Variants in PDE8A observed in about 807,000 individuals in gnomAD.
The protein encoded by PDE8A is high affinity cAMP-specific and IBMX-insensitive 3',5'-cyclic phosphodiesterase 8A.
A neutral mutation model predicts 105.0 loss-of-function variants in PDE8A; 59 were observed. The observed-to-expected ratio is 0.56, with a 90% CI of 0.46 to 0.70. The LOEUF is 0.70. Ranked by LOEUF, PDE8A falls within the 30% of genes least tolerant of loss-of-function variation. The pLI is 0.00. For missense variants in PDE8A, 1,014 were observed against 1,045.9 expected (o/e 0.97, Z 0.42); for synonymous variants, 355 against 371.9 (o/e 0.95, Z 0.52).
Position 85,123,097 on chromosome 15 carries a change from C to G in PDE8A, c.1989C>G (p.Asp663Glu). The G allele has an allele frequency of 1.2e-6, 2 of 1,614,000 alleles. No homozygotes were observed. The highest frequency in any genetic ancestry group is 2.2e-5 in the East Asian group (1 of 44,874). ...DYRTLRQGII[D>E]MVLATEMTKH... ...GGACACTGCGCCAGGGGATTATCGA[C>G]ATGGTCTTAGCCACAGAAATGACAA... is the stretch of plus-strand genomic sequence containing the variant. Residue 663 changes from aspartate (D) to glutamate (E), a missense_variant, in exon 19 of 22, where the codon GAC (aspartate) becomes GAG (glutamate). By Grantham distance (45) the Asp-to-Glu change is conservative. Transcript: ENST00000394553.
intron 1 of PDE8A, among the ~76,000 whole-genome samples, chr15:85,046,706 A>G (rs1462004465): frequency 1.3e-5 from 2 of 152,174 alleles, no homozygotes; most frequent in Non-Finnish European, 2.9e-5. Context: ...AAAGCAGGCA[A>G]GGGATAGGGA....
chr15:84,998,633 A>G (rs68088674), intron 1 of PDE8A, among the ~76,000 whole-genome samples: 13,223 of 152,228 alleles, frequency 0.087, 1,574 homozygotes, highest in African/African-American at 0.27. Flanking sequence ...GTAGTCAGTA[A>G]CTGTATTTTT....
At position 85,067,044 on chromosome 15, in the gene PDE8A, C is replaced by G. The variant is rs932106122; in HGVS notation, c.274C>G (p.Gln92Glu). 1.2e-6 allele frequency: 2 copies of G among 1,609,082 alleles called. No individual in the cohort carries two copies. ...TTTAGTGTTTACCAAAGAAGATAACCAATGTAATGGATTCTGCAGGGCATG... is the reference window on the plus strand; with the variant it reads ...TTTAGTGTTTACCAAAGAAGATAACGAATGTAATGGATTCTGCAGGGCATG... ...VLLVFTKEDN[Q>E]CNGFCRACEK... Residue 92 changes from glutamine to glutamate, a missense_variant, in exon 3 of 22, where the codon CAA becomes GAA. By Grantham distance (29) the Gln-to-Glu change is conservative (BLOSUM62 2). Coordinates refer to ENST00000394553, the MANE Select transcript of PDE8A (RefSeq NM_002605.3).
At chr15:85,104,895 A>C (rs967155669) in intron 11 of PDE8A, among the ~76,000 whole-genome samples, 12 of 152,118 alleles carry the variant, frequency 7.9e-5, no homozygotes, top group African/African-American at 2.9e-4. Flanking sequence ...AGCAGGATGA[A>C]TTCATTCATT....
intron 3 of PDE8A, among the ~76,000 whole-genome samples, chr15:85,070,904 G>T (rs1382711941): frequency 6.6e-6 from 1 of 152,218 alleles, no homozygotes; most frequent in Non-Finnish European, 1.5e-5. Context: ...TTGTGAGGCT[G>T]CTAGAGGCCA....
At chr15:85,130,910 C>A (rs2082321439) in intron 20 of PDE8A, among the ~76,000 whole-genome samples, 1 of 152,130 alleles carries the variant, frequency 6.6e-6, no homozygotes, top group African/African-American at 2.4e-5. Context: ...TAGGCACGTA[C>A]CACCATGCCT....
At chr15:85,126,143 A>G in intron 19 of PDE8A, 64 bp from the exon 20 acceptor site, 1 of 1,189,832 alleles carries the variant, frequency 8.4e-7, no homozygotes. Context: ...GGGACAGACC[A>G]GTAAGAGAGG....
At chr15:85,080,244 C>A (rs1450836030) in intron 5 of PDE8A, among the ~76,000 whole-genome samples, 4 of 151,978 alleles carry the variant, frequency 2.6e-5, no homozygotes, top group African/African-American at 9.7e-5. Flanking sequence ...TTGGACAACC[C>A]CCACAACATA....
intron 1 of PDE8A, among the ~76,000 whole-genome samples, chr15:85,059,762 C>A (rs1022260372): frequency 6.6e-6 from 1 of 152,196 alleles, no homozygotes; most frequent in Admixed American, 6.5e-5. Context: ...CTGCCAATCT[C>A]TGTCTTTTGA....
chr15:85,096,988 T>C (rs1314356335), intron 8 of PDE8A, among the ~76,000 whole-genome samples: 3 of 152,192 alleles, frequency 2.0e-5, no homozygotes, highest in Non-Finnish European at 4.4e-5. Flanking sequence ...AGAATTGACC[T>C]GGAGTAGGGC....
At chr15:85,085,784 G>A (rs2081543100) in intron 6 of PDE8A, among the ~76,000 whole-genome samples, 1 of 151,388 alleles carries the variant, frequency 6.6e-6, no homozygotes. Flanking sequence ...GAGGTTGGTG[G>A]ATCACCTGAG....
chr15:85,093,403 G>C (rs1417222721), intron 8 of PDE8A, among the ~76,000 whole-genome samples: 2 of 152,220 alleles, frequency 1.3e-5, no homozygotes, highest in Non-Finnish European at 2.9e-5. Flanking sequence ...AGGGCTTGTT[G>C]AGGGGTCAGC....
chr15:85,100,212 T>C lies in PDE8A; in HGVS notation c.1036+14T>C. 1 of 1,603,706 alleles carries C rather than the reference T, an allele frequency of 6.2e-7. No homozygotes were observed. Among genetic ancestry groups the C allele is most frequent in the Non-Finnish European group, 8.5e-7 (1 of 1,171,988 alleles). On this transcript the variant is annotated intron_variant, in intron 11 of 21. Coordinates refer to ENST00000394553, the MANE Select transcript of PDE8A (RefSeq NM_002605.3). ...ACACTCATACAGGTACGGTGCCCCGTATTTATTCTTAGAGTTCATTGAGTT... is the reference window on the plus strand; with the variant it reads ...ACACTCATACAGGTACGGTGCCCCGCATTTATTCTTAGAGTTCATTGAGTT...
chr15:85,097,764 C>T, intron 8 of PDE8A, 184 bp from the exon 9 acceptor site: 2 of 565,554 alleles, frequency 3.5e-6, no homozygotes, highest in Non-Finnish European at 6.3e-6. Flanking sequence ...GTCAGCAACT[C>T]AGAAGGAGGT....
chr15:85,037,340 C>T (rs1021106188), intron 1 of PDE8A, among the ~76,000 whole-genome samples: 2 of 152,200 alleles, frequency 1.3e-5, no homozygotes, highest in East Asian at 1.9e-4. Context: ...GCTGGGATTA[C>T]AGGCGTGAGC....
intron 6 of PDE8A, among the ~76,000 whole-genome samples, chr15:85,084,807 C>T (rs2081524107): frequency 1.3e-5 from 2 of 152,262 alleles, no homozygotes; most frequent in African/African-American, 4.8e-5. Flanking sequence ...AAACCTTTTC[C>T]TCCTGTGTAC....
chr15:85,077,559 G>A (rs138514642), intron 5 of PDE8A, among the ~76,000 whole-genome samples: 41 of 152,264 alleles, frequency 2.7e-4, no homozygotes, highest in Non-Finnish European at 5.0e-4. Flanking sequence ...ATCTTTGCCC[G>A]CAGAGGATCT....
At chr15:85,072,272 A>G (rs923282244) in intron 3 of PDE8A, among the ~76,000 whole-genome samples, 26 of 152,190 alleles carry the variant, frequency 1.7e-4, no homozygotes, top group African/African-American at 5.1e-4. Flanking sequence ...GGGCTGGGCT[A>G]TGTTCTTATA....
intron 2 of PDE8A, among the ~76,000 whole-genome samples, chr15:85,064,970 TCAAA>T (rs2141453170): frequency 6.6e-6 from 1 of 151,910 alleles, no homozygotes; most frequent in African/African-American, 2.4e-5. Context: ...AGACCCTGTC[TCAAA>T]CAAACAAAAG....
Sources: gnomAD v4.1 joint callset for allele counts (sites outside exome capture counted in the v4.1 genomes callset) on GRCh38, gnomAD v4.1.1 for gene constraint, MANE v1.5 for transcripts, NCBI Gene and HGNC (gene_info 2026-07-23, HGNC 2026-07-21) for gene names.